Variants in CDH18 observed in about 807,000 individuals in gnomAD.
The protein encoded by CDH18 is cadherin 18, also known as cadherin-18.
CDH18 carries 31 observed loss-of-function variants against 67.9 expected under a neutral mutation model. That is an observed-to-expected ratio of 0.46 (90% CI 0.34 to 0.62). The LOEUF (loss-of-function observed/expected upper bound fraction) is 0.62. Ranked by LOEUF, CDH18 falls within the 20% of genes least tolerant of loss-of-function variation. The pLI, the probability that CDH18 is intolerant of heterozygous loss-of-function variation, is 0.01. For missense variants in CDH18, 890 were observed against 975.5 expected (o/e 0.91, Z 1.17); for synonymous variants, 362 against 347.2 (o/e 1.04, Z -0.48).
chr5:20,465,899 T>C (rs1751601073), intron 1 of CDH18, among the ~76,000 whole-genome samples: 1 of 152,038 alleles, frequency 6.6e-6, no homozygotes, highest in Non-Finnish European at 1.5e-5. Flanking sequence ...CTTGAAGCAG[T>C]AATTTAAAAT....
chr5:19,588,694 G>A (rs2150015423), intron 7 of CDH18, among the ~76,000 whole-genome samples: 1 of 152,066 alleles, frequency 6.6e-6, no homozygotes, highest in Non-Finnish European at 1.5e-5. Flanking sequence ...CTCATAAAGG[G>A]ATGAAGAAAA....
chr5:19,983,342 G>A (rs1022612702), intron 1 of CDH18, among the ~76,000 whole-genome samples: 4 of 152,182 alleles, frequency 2.6e-5, no homozygotes, highest in Non-Finnish European at 4.4e-5. Context: ...ATACCTATTT[G>A]AGAATCCTTA....
intron 4 of CDH18, among the ~76,000 whole-genome samples, chr5:19,737,485 C>T (rs1581129554): frequency 1.3e-5 from 2 of 152,156 alleles, no homozygotes. Context: ...TTACTTGGTG[C>T]CTTCACTCTA....
chr5:19,496,722 G>C (rs1241188553), intron 11 of CDH18, among the ~76,000 whole-genome samples: 1 of 144,910 alleles, frequency 6.9e-6, no homozygotes, highest in East Asian at 2.1e-4. Context: ...TGAGTTAGGA[G>C]AATCGCTTGA....
chr5:20,214,032 T>A (rs1413553340), intron 2 of CDH18, among the ~76,000 whole-genome samples: 2 of 152,012 alleles, frequency 1.3e-5, no homozygotes, highest in Non-Finnish European at 2.9e-5. Context: ...CTAACATTCC[T>A]ATAAACCAAC....
At chr5:20,552,525 T>G (rs1450976815) in intron 1 of CDH18, among the ~76,000 whole-genome samples, 1 of 152,100 alleles carries the variant, frequency 6.6e-6, no homozygotes, top group Non-Finnish European at 1.5e-5. Context: ...TACTTCTTTC[T>G]TCTCTAATTT....
intron 2 of CDH18, among the ~76,000 whole-genome samples, chr5:20,123,011 T>C (rs1433327992): frequency 6.7e-6 from 1 of 148,200 alleles, no homozygotes; most frequent in Non-Finnish European, 1.5e-5. Context: ...AAAATACCTA[T>C]ATAAGCTATT....
intron 1 of CDH18, among the ~76,000 whole-genome samples, chr5:20,433,398 T>C (rs1748924613): frequency 6.6e-6 from 1 of 152,046 alleles, no homozygotes; most frequent in African/African-American, 2.4e-5. Context: ...ACATAAAGTA[T>C]TGTCTCAAGT....
rs148292031 is a variant in CDH18 at position 20,493,356 on chromosome 5, T to TAAAAAAA, written c.-580+82099_-580+82105dup. On this transcript the variant is annotated intron_variant, in intron 1 of 14. Coordinates refer to the CDH18 transcript ENST00000507958. ...AGGGCAAGACTCTGTTTCAGAAAAT[T>TAAAAAAA]AAAAAAAAAAAAAAAAAAAAAAAAA... Among the ~76,000 whole-genome samples, 132 of 47,204 alleles carry TAAAAAAA rather than the reference T, an allele frequency of 2.8e-3. 3 individuals are homozygous for TAAAAAAA. The highest frequency in any genetic ancestry group is 4.8e-3 in the African/African-American group (56 of 11,698). The allele number at this position is 47,204 out of a possible 152,430, so 31.0% of individuals were successfully genotyped here.
At chr5:20,530,223 A>G (rs2126550561) in intron 1 of CDH18, among the ~76,000 whole-genome samples, 1 of 152,196 alleles carries the variant, frequency 6.6e-6, no homozygotes, top group African/African-American at 2.4e-5. Flanking sequence ...ACATTGCTCA[A>G]GGAAATCAGA....
chr5:20,556,493 C>T (rs1451404871), intron 1 of CDH18, among the ~76,000 whole-genome samples: 2 of 152,130 alleles, frequency 1.3e-5, no homozygotes, highest in Non-Finnish European at 1.5e-5. Context: ...ACATTAGACA[C>T]CTTTCCCAAG....
intron 1 of CDH18, among the ~76,000 whole-genome samples, chr5:20,334,515 C>G (rs1739527635): frequency 6.6e-6 from 1 of 151,792 alleles, no homozygotes; most frequent in African/African-American, 2.4e-5. Flanking sequence ...TTAAATAACT[C>G]AGGAAAAAAC....
At chr5:20,272,929 C>T (rs1055039782) in intron 1 of CDH18, among the ~76,000 whole-genome samples, 2 of 151,950 alleles carry the variant, frequency 1.3e-5, no homozygotes, top group African/African-American at 2.4e-5. Context: ...TAGCTAAATG[C>T]TAATGAAAAT....
intron 3 of CDH18, among the ~76,000 whole-genome samples, chr5:19,793,638 G>C (rs1776581217): frequency 6.6e-6 from 1 of 152,030 alleles, no homozygotes; most frequent in Admixed American, 6.6e-5. Context: ...AGAAAATGAA[G>C]AGTTTAATGA....
chr5:19,898,607 T>C (rs1057065983), intron 2 of CDH18, among the ~76,000 whole-genome samples: 4 of 152,136 alleles, frequency 2.6e-5, no homozygotes, highest in African/African-American at 9.6e-5. Context: ...ATTCAGTATA[T>C]GAATTCTTAA....
chr5:20,412,185 A>T (rs1365893053), intron 1 of CDH18, among the ~76,000 whole-genome samples: 2 of 152,212 alleles, frequency 1.3e-5, no homozygotes, highest in Non-Finnish European at 2.9e-5. Context: ...AACAATAGTC[A>T]CATAGATCAA....
At chr5:19,824,084 A>T (rs1780166555) in intron 3 of CDH18, among the ~76,000 whole-genome samples, 1 of 152,240 alleles carries the variant, frequency 6.6e-6, no homozygotes, top group Non-Finnish European at 1.5e-5. Flanking sequence ...ACAGAAGTAA[A>T]GAAATAGCTA....
intron 3 of CDH18, among the ~76,000 whole-genome samples, chr5:19,778,127 A>G (rs1774609946): frequency 6.6e-6 from 1 of 152,180 alleles, no homozygotes; most frequent in African/African-American, 2.4e-5. Context: ...TAGACACAAA[A>G]CACCTTTGCC....
chr5:19,535,953 C>T (rs1160367215), intron 9 of CDH18, among the ~76,000 whole-genome samples: 1 of 152,026 alleles, frequency 6.6e-6, no homozygotes, highest in Non-Finnish European at 1.5e-5. Context: ...GTGCACAGAA[C>T]AAGGTTAAAT....
Sources: gnomAD v4.1 joint callset for allele counts (sites outside exome capture counted in the v4.1 genomes callset) on GRCh38, gnomAD v4.1.1 for gene constraint, MANE v1.5 for transcripts, NCBI Gene and HGNC (gene_info 2026-07-23, HGNC 2026-07-21) for gene names.